Variants in PEAK3 observed in about 807,000 individuals in gnomAD.
PEAK3 encodes the protein PEAK family member 3.
Under a neutral mutation model 13.3 loss-of-function variants are expected in PEAK3, and 15 were observed. The ratio of observed to expected loss-of-function variants is 1.13; its 90% confidence interval spans 0.75 to 1.73. The LOEUF (loss-of-function observed/expected upper bound fraction) is 1.73. Among genes scored for constraint, PEAK3 ranks in the 40% most tolerant of loss-of-function variants. PEAK3 has a pLI of 0.00. For missense variants in PEAK3, 739 were observed against 690.2 expected, an observed-to-expected ratio of 1.07 and a Z score of -0.79; for synonymous variants, 347 against 341.9, an observed-to-expected ratio of 1.01 and a Z score of -0.17.
rs1269969288 is a variant in PEAK3 at position 2,275,318 on chromosome 19, T to C, written c.*362A>G. 3 of 186,020 alleles carry C rather than the reference T, an allele frequency of 1.6e-5. No individual in the cohort carries two copies. The East Asian group carries it at 3.9e-4, about 24-fold the overall frequency. The allele number at this position is 186,020 out of a possible 1,614,324, so 11.5% of individuals were successfully genotyped here. On this transcript the variant is annotated 3_prime_UTR_variant, in exon 4 of 4. Transcript: ENST00000342063. ...CGGCATTGGCCTCTCATGGAGACAA[T>C]GACAGAACCCACGCGGAAGAGCGCC... is the stretch of plus-strand genomic sequence containing the variant.
Position 2,276,572 on chromosome 19 carries a change from C to T in PEAK3, c.613-83G>A, listed in dbSNP as rs2025392512. 3.2e-6 allele frequency: 4 copies of T among 1,245,168 alleles called. No individual in the cohort carries two copies. The Admixed American group carries it at 1.2e-4, about 36-fold the overall frequency. The allele number at this position is 1,245,168 out of a possible 1,614,324, so 77.1% of individuals were successfully genotyped here. A position where few individuals can be genotyped will look rare whatever the true frequency, so the allele number is the denominator to read the frequency against. On this transcript the variant is annotated intron_variant, in intron 3 of 3. Transcript: ENST00000342063. ...TGCCCCAGTGCTACCTGCCCCGAAGCCTCCCACGCACACCCCCAAACTGCC... is the reference window on the plus strand; with the variant it reads ...TGCCCCAGTGCTACCTGCCCCGAAGTCTCCCACGCACACCCCCAAACTGCC...
Position 2,276,384 on chromosome 19 carries a change from C to T in PEAK3, c.718G>A (p.Gly240Ser), listed in dbSNP as rs780889442. Residue 240 changes from glycine (G) to serine (S), a missense_variant, in exon 4 of 4, where the codon GGC (glycine) becomes AGC (serine). By Grantham distance (56) the Gly-to-Ser change is moderately conservative (BLOSUM62 0). Transcript: ENST00000342063. ...CTCCAGGGCGCCCCGGGCAGTGTGCCTTCAGGCACCAGGCCACACAGCCCC... is the reference window on the plus strand; with the variant it reads ...CTCCAGGGCGCCCCGGGCAGTGTGCTTTCAGGCACCAGGCCACACAGCCCC... ...LQGLCGLVPEGTLPGAPWRGA... is the reference protein window; with the variant it reads ...LQGLCGLVPESTLPGAPWRGA... The T allele has an allele frequency of 9.9e-5, 159 of 1,599,938 alleles. No homozygotes were observed. The highest frequency in any genetic ancestry group is 1.3e-4 in the Non-Finnish European group (151 of 1,178,740).
rs12459954 is a variant in PEAK3, at chr19:2,274,865, G to C, written c.*815C>G. On this transcript the variant is annotated 3_prime_UTR_variant, in exon 4 of 4. Transcript: ENST00000342063. ...CGGGCGCCTGTAGTCCCAGCTACTC[G>C]GGAGGCTGAGGCAGGAGAATGGCGT... The C allele has an allele frequency of 6.9e-6, 1 of 144,664 alleles. No homozygotes were observed. The highest frequency in any genetic ancestry group is 2.3e-4 in the South Asian group (1 of 4,398). 9.0% of individuals were successfully genotyped at this position (144,664 alleles called of 1,614,324 possible).
Position 2,275,687 on chromosome 19 carries a change from C to A in PEAK3, c.1415G>T (p.Trp472Leu). Residue 472 changes from tryptophan to leucine, a missense_variant, in exon 4 of 4, where the codon TGG becomes TTG. By Grantham distance (61) the Trp-to-Leu change is moderately conservative. Coordinates refer to ENST00000342063, the MANE Select transcript of PEAK3 (RefSeq NM_198532.3). ...GTTCGCCCTGGGTTGGGGTCAGTCCCACAGCAGCGCCAGGGCCTGGCCCAT... is the reference window on the plus strand; with the variant it reads ...GTTCGCCCTGGGTTGGGGTCAGTCCAACAGCAGCGCCAGGGCCTGGCCCAT... ...SSMGQALALL[W>L]D 6.7e-7 allele frequency: 1 copy of A among 1,488,726 alleles called. No individual in the cohort carries two copies. Among genetic ancestry groups the A allele is most frequent in the South Asian group, 1.4e-5 (1 of 73,948 alleles). The allele number at this position is 1,488,726 out of a possible 1,614,324, so 92.2% of individuals were successfully genotyped here. A position where few individuals can be genotyped will look rare whatever the true frequency, so the allele number is the denominator to read the frequency against.
Position 2,275,623 on chromosome 19 carries a change from G to T in PEAK3, c.*57C>A. On this transcript the variant is annotated 3_prime_UTR_variant, in exon 4 of 4. Transcript: ENST00000342063. ...GGCTATCATGGAGACGCTGACCTCA[G>T]CCCCAGCCCTGCCTCCTGGGCAGGC... 1.5e-6 allele frequency: 2 copies of T among 1,343,590 alleles called. No homozygotes were observed. The highest frequency in any genetic ancestry group is 1.9e-5 in the South Asian group (1 of 52,756). The allele number at this position is 1,343,590 out of a possible 1,614,324, so 83.2% of individuals were successfully genotyped here.
rs184815910 is a variant in PEAK3 at position 2,278,265 on chromosome 19, A to G, written c.612+319T>C. ...CTGCAACCTCTGCCTCCCGGGTTCAAGCAATTCTCCTGCCTCAGTCTCCCA... is the reference window on the plus strand; with the variant it reads ...CTGCAACCTCTGCCTCCCGGGTTCAGGCAATTCTCCTGCCTCAGTCTCCCA... On this transcript the variant is annotated intron_variant, in intron 3 of 3. Coordinates refer to ENST00000342063, the MANE Select transcript of PEAK3 (RefSeq NM_198532.3). Among the ~76,000 whole-genome samples the G allele has an allele frequency of 1.8e-3, 280 of 151,362 alleles. 1 individual carries two copies. Among genetic ancestry groups the G allele is most frequent in the African/African-American group, 6.5e-3 (268 of 41,214 alleles).
rs1261112598 is a variant in PEAK3 at position 2,275,851 on chromosome 19, G to C, written c.1251C>G (p.Leu417=). The C allele has an allele frequency of 1.3e-6, 2 of 1,490,668 alleles. No individual in the cohort carries two copies. The highest frequency in any genetic ancestry group is 8.9e-7 in the Non-Finnish European group (1 of 1,126,454). The allele number at this position is 1,490,668 out of a possible 1,614,324, so 92.3% of individuals were successfully genotyped here. A position where few individuals can be genotyped will look rare whatever the true frequency, so the allele number is the denominator to read the frequency against. ...CCCGCAGCCAGGGCCCGAGCGCTCG[G>C]AGCCAGGGACCAAGCGGTGCTCCGC... ...RGRGAPLGPW[L]RALGPWLRVR... The change falls in exon 4 of 4, where the codon CTC becomes CTG. Residue 417 remains leucine, a synonymous_variant. Transcript: ENST00000342063.
intron 3 of PEAK3, 47 bp from the exon 4 acceptor site, chr19:2,276,536 C>T (rs535822332): frequency 7.0e-7 from 1 of 1,421,784 alleles, no homozygotes; most frequent in African/African-American, 1.4e-5. Context: ...GGGCCCCCCA[C>T]AAGCACCGCC....
chr19:2,281,026 A>G (rs1323376468), intron 1 of PEAK3, 91 bp from the exon 2 acceptor site: 5 of 776,878 alleles, frequency 6.4e-6, no homozygotes, highest in Admixed American at 3.1e-5. Flanking sequence ...GGGGCCTGGG[A>G]GACCGTCGAG....
chr19:2,276,546 C>T, intron 3 of PEAK3, 57 bp from the exon 4 acceptor site: 1 of 1,396,758 alleles, frequency 7.2e-7, no homozygotes, highest in South Asian at 1.5e-5. Flanking sequence ...CAAGCACCGC[C>T]TGCCCCAGTG....
Position 2,275,882 on chromosome 19 carries a change from C to T in PEAK3, c.1220G>A (p.Arg407His). 7.0e-7 allele frequency: 1 copy of T among 1,429,016 alleles called. No individual in the cohort carries two copies. The allele number at this position is 1,429,016 out of a possible 1,614,324, so 88.5% of individuals were successfully genotyped here. ...ALLWGPGPEL[R>H]GRGAPLGPWL... is the part of the protein sequence containing the mutation. ...GGGACCAAGCGGTGCTCCGCGGCCGCGCAGCTCAGGCCCGGGCCCCCAGAG... is the reference window on the plus strand; with the variant it reads ...GGGACCAAGCGGTGCTCCGCGGCCGTGCAGCTCAGGCCCGGGCCCCCAGAG... Residue 407 changes from arginine (R) to histidine (H), a missense_variant, in exon 4 of 4, where the codon CGC (arginine) becomes CAC (histidine). By Grantham distance (29) the Arg-to-His change is conservative (BLOSUM62 0). Coordinates refer to ENST00000342063, the MANE Select transcript of PEAK3 (RefSeq NM_198532.3).
At position 2,278,461 on chromosome 19, in the gene PEAK3, C is replaced by G. The variant is rs138246824; in HGVS notation, c.612+123G>C. Reference sequence around the variant, plus strand: ...CAGGCGTGAGCCACCGCGCCCGGCTCCAGTATTTCTTTACAGCAGTGTGAG... The same window carrying G: ...CAGGCGTGAGCCACCGCGCCCGGCTGCAGTATTTCTTTACAGCAGTGTGAG... On this transcript the variant is annotated intron_variant, in intron 3 of 3. Transcript: ENST00000342063. The G allele has an allele frequency of 1.4e-4, 167 of 1,171,332 alleles. No individual in the cohort carries two copies. In the African/African-American group the frequency reaches 2.2e-3, roughly 15 times the overall value. The allele number at this position is 1,171,332 out of a possible 1,614,324, so 72.6% of individuals were successfully genotyped here.
At position 2,278,817 on chromosome 19, in the gene PEAK3, C is replaced by G. The variant is rs184271660; in HGVS notation, c.379G>C (p.Asp127His). ...TGCACAGCCTCCGGGCTGTGCAGAT[C>G]GCGGAGGGAGAGGCCCAGTGGGGCG... ...ADAPLGLSLR[D>H]LHSPEAVHTA... The change falls in exon 3 of 4, where the codon GAT becomes CAT. Residue 127 changes from aspartate (D) to histidine (H), a missense_variant. By Grantham distance (81) the Asp-to-His change is moderately conservative. Transcript: ENST00000342063. 1.3e-6 allele frequency: 2 copies of G among 1,594,078 alleles called. No individual in the cohort carries two copies. The highest frequency in any genetic ancestry group is 1.7e-6 in the Non-Finnish European group (2 of 1,170,770).
Position 2,276,387 on chromosome 19 carries a change from C to G in PEAK3, c.715G>C (p.Glu239Gln). 7 of 1,599,962 alleles carry G rather than the reference C, an allele frequency of 4.4e-6. No individual in the cohort carries two copies. Among genetic ancestry groups the G allele is most frequent in the Non-Finnish European group, 5.9e-6 (7 of 1,178,662 alleles). ...CAGGGCGCCCCGGGCAGTGTGCCTT[C>G]AGGCACCAGGCCACACAGCCCCTGC... is the stretch of plus-strand genomic sequence containing the variant. ...NLQGLCGLVP[E>Q]GTLPGAPWRG... The change falls in exon 4 of 4, where the codon GAA becomes CAA. Residue 239 changes from glutamate (E) to glutamine (Q), a missense_variant. Coordinates refer to ENST00000342063, the MANE Select transcript of PEAK3 (RefSeq NM_198532.3).
At chr19:2,277,001 G>C (rs1020031784) in intron 3 of PEAK3, among the ~76,000 whole-genome samples, 1 of 152,096 alleles carries the variant, frequency 6.6e-6, no homozygotes, top group African/African-American at 2.4e-5. Flanking sequence ...AACAGAGTGA[G>C]ACTCTGTCTC....
chr19:2,280,967 G>C, intron 1 of PEAK3, 32 bp from the exon 2 acceptor site: 5 of 1,414,754 alleles, frequency 3.5e-6, no homozygotes, highest in Non-Finnish European at 4.8e-6. Context: ...CGTGTGTGGG[G>C]TGACCGTGTG....
chr19:2,281,958 C>T (rs1363997763), intron 1 of PEAK3, 129 bp downstream of exon 1: 1 of 152,988 alleles, frequency 6.5e-6, no homozygotes, highest in Non-Finnish European at 1.5e-5. Flanking sequence ...GATCCACACT[C>T]AGGCCTCATC....
Position 2,276,055 on chromosome 19 carries a change from C to A in PEAK3, c.1047G>T (p.Ala349=). The change falls in exon 4 of 4, where the codon GCG becomes GCT. Residue 349 remains alanine (A), a synonymous_variant. Transcript: ENST00000342063. ...PGPPGSPGPH[A]PQLGSLLRAL... ...CTCGGAGGAGGCTGCCCAGCTGCGG[C>A]GCGTGGGGGCCCGGGGATCCCGGGG... The A allele has an allele frequency of 6.9e-7, 1 of 1,447,520 alleles. No individual in the cohort carries two copies. Among genetic ancestry groups the A allele is most frequent in the Non-Finnish European group, 9.1e-7 (1 of 1,101,712 alleles). 89.7% of individuals were successfully genotyped at this position (1,447,520 alleles called of 1,614,324 possible).
Position 2,278,909 on chromosome 19 carries a change from A to G in PEAK3, c.287T>C (p.Val96Ala). 1 of 1,601,232 alleles carries G rather than the reference A, an allele frequency of 6.2e-7. No homozygotes were observed. The highest frequency in any genetic ancestry group is 8.5e-7 in the Non-Finnish European group (1 of 1,174,452). Reference protein sequence around the residue: ...PRRPFLGSHSVDKSQAAVGPA... With the variant: ...PRRPFLGSHSADKSQAAVGPA... ...TCCCACTGCAGCCTGGCTCTTGTCC[A>G]CACTGTGGGACCCCAGAAAGGGTCT... The change falls in exon 3 of 4, where the codon GTG becomes GCG. Residue 96 changes from valine (V) to alanine (A), a missense_variant. Coordinates refer to ENST00000342063, the MANE Select transcript of PEAK3 (RefSeq NM_198532.3).
Sources: allele counts gnomAD v4.1 joint callset (sites outside exome capture counted in the v4.1 genomes callset), GRCh38; gene constraint gnomAD v4.1.1; transcripts MANE v1.5; gene names NCBI Gene and HGNC (gene_info 2026-07-23, HGNC 2026-07-21).